The following NEGR1 variants were observed in gnomAD, a reference collection of about 807,000 sequenced individuals.
The protein encoded by NEGR1 is IgLON family member 4.
A neutral mutation model predicts 40.9 loss-of-function variants in NEGR1; 10 were observed. The observed-to-expected ratio is 0.24, with a 90% CI of 0.15 to 0.42. The LOEUF is 0.42. NEGR1 is among the 10% of genes least tolerant of loss of function. The pLI is 1.00. For missense variants in NEGR1, 352 were observed against 438.9 expected (o/e 0.80, Z 1.77); for synonymous variants, 185 against 166.8 (o/e 1.11, Z -0.84).
intron 1 of NEGR1, among the ~76,000 whole-genome samples, chr1:72,279,713 G>T (rs1656179217): frequency 6.6e-6 from 1 of 152,132 alleles, no homozygotes; most frequent in Non-Finnish European, 1.5e-5. Context: ...CACCTGAGTT[G>T]CCTATACTCA....
chr1:71,999,120 T>C (rs1046410398), intron 1 of NEGR1, among the ~76,000 whole-genome samples: 1 of 151,964 alleles, frequency 6.6e-6, no homozygotes, highest in African/African-American at 2.4e-5. Context: ...CTGACAGATG[T>C]CAATTTCTGA....
At chr1:72,008,356 A>G (rs1057414324) in intron 1 of NEGR1, among the ~76,000 whole-genome samples, 4 of 152,136 alleles carry the variant, frequency 2.6e-5, no homozygotes, top group Non-Finnish European at 5.9e-5. Context: ...TCTATCTAAT[A>G]AAATGTACTT....
intron 2 of NEGR1, among the ~76,000 whole-genome samples, chr1:71,804,412 C>T (rs534741170): frequency 2.8e-4 from 43 of 151,178 alleles, no homozygotes; most frequent in African/African-American, 8.5e-4. Flanking sequence ...AGACTGCATA[C>T]GTAGACACCA....
chr1:71,755,355 TTC>T (rs1655697607), intron 3 of NEGR1, among the ~76,000 whole-genome samples: 1 of 152,222 alleles, frequency 6.6e-6, no homozygotes. Flanking sequence ...GCTTCATGCT[TTC>T]TCTGCAACTC....
At chr1:71,840,272 T>G (rs1434380977) in intron 2 of NEGR1, among the ~76,000 whole-genome samples, 1 of 152,132 alleles carries the variant, frequency 6.6e-6, no homozygotes. Flanking sequence ...CTTAGAATTG[T>G]GCTGCCATAA....
chr1:71,560,025 G>A (rs890820161), intron 6 of NEGR1, among the ~76,000 whole-genome samples: 1 of 151,268 alleles, frequency 6.6e-6, no homozygotes, highest in Non-Finnish European at 1.5e-5. Context: ...TTCACTTGAA[G>A]TCTAGTGCAC....
chr1:72,103,143 C>T (rs139516286), intron 1 of NEGR1, among the ~76,000 whole-genome samples: 238 of 152,066 alleles, frequency 1.6e-3, no homozygotes, highest in Middle Eastern at 3.4e-3. Context: ...TTTGTATTTG[C>T]TACAGGTGAA....
At position 72,146,380 on chromosome 1, in the gene NEGR1, C is replaced by CT. The variant is rs544893113; in HGVS notation, c.176+135938dup. Among the ~76,000 whole-genome samples, 368 of 152,200 alleles carry CT rather than the reference C, an allele frequency of 2.4e-3. 1 individual carries two copies. The highest frequency in any genetic ancestry group is 8.4e-3 in the African/African-American group (349 of 41,534). On this transcript the variant is annotated intron_variant, in intron 1 of 6. Coordinates refer to ENST00000357731, the MANE Select transcript of NEGR1 (RefSeq NM_173808.3). The stretch of plus-strand genomic sequence containing the variant: ...TTCACTCTATTAATGCCATGTCATA[C>CT]TTTTTTTACTGGTAAGTACTCTATA...
At chr1:72,116,976 T>C (rs1479017795) in intron 1 of NEGR1, among the ~76,000 whole-genome samples, 1 of 151,792 alleles carries the variant, frequency 6.6e-6, no homozygotes, top group Non-Finnish European at 1.5e-5. Flanking sequence ...GAATGTGTCT[T>C]ATCTGAGCTT....
intron 1 of NEGR1, among the ~76,000 whole-genome samples, chr1:72,281,571 G>C (rs76129735): frequency 5.7e-4 from 86 of 151,662 alleles, no homozygotes; most frequent in Middle Eastern, 3.4e-3. Context: ...ACAGGGCACA[G>C]GATAGGGACA....
rs561129846 is a variant in NEGR1 at position 71,855,575 on chromosome 1, A to G, written c.410-79278T>C. 2.9e-3 allele frequency among the ~76,000 whole-genome samples: 440 copies of G among 152,172 alleles called. 3 individuals carry two copies. The highest frequency in any genetic ancestry group is 0.01 in the African/African-American group (424 of 41,550). On this transcript the variant is annotated intron_variant, in intron 2 of 6. Transcript: ENST00000357731. ...GGTTTCATACCGAGACCTGGAAAGTATTGAGAACAATAAGCCTATTATTTT... is the reference window on the plus strand; with the variant it reads ...GGTTTCATACCGAGACCTGGAAAGTGTTGAGAACAATAAGCCTATTATTTT...
rs138987571 is a variant in NEGR1 at position 71,860,226 on chromosome 1, G to C, written c.409+74853C>G. Among the ~76,000 whole-genome samples the C allele has an allele frequency of 2.9e-3, 435 of 151,878 alleles. 2 individuals carry two copies. Among genetic ancestry groups the C allele is most frequent in the African/African-American group, 0.01 (415 of 41,468 alleles). The stretch of plus-strand genomic sequence containing the variant: ...AAAAAAAAAAACAACTATTCACAAA[G>C]GGGGAGTTTGTAAGAGACAATATAC... On this transcript the variant is annotated intron_variant, in intron 2 of 6. Transcript: ENST00000357731.
Position 71,888,456 on chromosome 1 carries a change from G to A in NEGR1, c.409+46623C>T, listed in dbSNP as rs370299431. ...TTTCCGAGTCAAAGAAAGGGGTGACGGACGCACCTGGAAAATCGGGTCACT... is the reference window on the plus strand; with the variant it reads ...TTTCCGAGTCAAAGAAAGGGGTGACAGACGCACCTGGAAAATCGGGTCACT... On this transcript the variant is annotated intron_variant, in intron 2 of 6. Coordinates refer to ENST00000357731, the MANE Select transcript of NEGR1 (RefSeq NM_173808.3). 3.9e-5 allele frequency among the ~76,000 whole-genome samples: 6 copies of A among 151,962 alleles called. No homozygotes were observed. In the South Asian group the frequency reaches 8.3e-4, roughly 21 times the overall value.
intron 5 of NEGR1, among the ~76,000 whole-genome samples, chr1:71,600,593 G>C (rs1168080043): frequency 6.6e-6 from 1 of 152,142 alleles, no homozygotes; most frequent in African/African-American, 2.4e-5. Context: ...CATGTGAAGA[G>C]GCCTGAAAGA....
intron 1 of NEGR1, among the ~76,000 whole-genome samples, chr1:72,129,356 C>A (rs971271405): frequency 6.6e-6 from 1 of 152,098 alleles, no homozygotes; most frequent in African/African-American, 2.4e-5. Context: ...TATATTTAAT[C>A]ATGCTAATGG....
At chr1:71,468,194 A>G (rs1439099813) in intron 6 of NEGR1, 1 of 151,956 alleles carries the variant, frequency 6.6e-6, no homozygotes, top group African/African-American at 2.4e-5. Flanking sequence ...TTGATGTTTC[A>G]TTGGTCCTTT....
At chr1:71,918,216 C>CAGAAAAAA (rs1661655010) in intron 2 of NEGR1, among the ~76,000 whole-genome samples, 1 of 24,744 alleles carries the variant, frequency 4.0e-5, no homozygotes, top group Non-Finnish European at 6.8e-5. Context: ...GACTCTGTCT[C>CAGAAAAAA]AAAAAAAAAA....
intron 1 of NEGR1, among the ~76,000 whole-genome samples, chr1:72,257,594 A>G (rs1281666883): frequency 6.6e-6 from 1 of 152,062 alleles, no homozygotes; most frequent in Non-Finnish European, 1.5e-5. Context: ...ATAATTAGTA[A>G]TTTTCTCCAA....
chr1:72,132,716 G>C (rs2100316817), intron 1 of NEGR1, among the ~76,000 whole-genome samples: 1 of 152,190 alleles, frequency 6.6e-6, no homozygotes, highest in African/African-American at 2.4e-5. Context: ...GGTATGTTAA[G>C]CCAATTGTGA....
Sources: allele counts gnomAD v4.1 joint callset (sites outside exome capture counted in the v4.1 genomes callset), GRCh38; gene constraint gnomAD v4.1.1; transcripts MANE v1.5; gene names NCBI Gene and HGNC (gene_info 2026-07-23, HGNC 2026-07-21).